HAPLN1: variants seen among roughly 807,000 people sequenced by gnomAD.
The protein encoded by HAPLN1 is Cartilage link protein.
HAPLN1 carries 13 observed loss-of-function variants against 36.5 expected under a neutral mutation model. The observed-to-expected ratio is 0.36, with a 90% CI of 0.23 to 0.57. The LOEUF is 0.57. Ranked by LOEUF, HAPLN1 falls within the 20% of genes least tolerant of loss-of-function variation. HAPLN1 has a pLI of 0.83. For missense variants in HAPLN1, 407 were observed against 439.7 expected (o/e 0.93, Z 0.66); for synonymous variants, 202 against 169.8 (o/e 1.19, Z -1.48).
chr5:83,654,299 T>C (rs1750154902), intron 2 of HAPLN1, among the ~76,000 whole-genome samples: 1 of 152,212 alleles, frequency 6.6e-6, no homozygotes, highest in African/African-American at 2.4e-5. Context: ...GCGAGGATAA[T>C]GGCTTCATTT....
intron 1 of HAPLN1, chr5:83,686,066 C>G (rs1451329357): frequency 6.9e-6 from 1 of 144,412 alleles, no homozygotes; most frequent in African/African-American, 2.6e-5. Context: ...TCTACCCTGG[C>G]ACACTGGAGA....
intron 4 of HAPLN1, among the ~76,000 whole-genome samples, chr5:83,643,806 G>A (rs1048815357): frequency 6.6e-6 from 1 of 152,192 alleles, no homozygotes; most frequent in Non-Finnish European, 1.5e-5. Flanking sequence ...TCTGAAGACA[G>A]CAAGAGAAGG....
intron 1 of HAPLN1, among the ~76,000 whole-genome samples, chr5:83,691,091 A>G (rs767386553): frequency 7.2e-5 from 11 of 152,214 alleles, no homozygotes; most frequent in Admixed American, 6.5e-5. Context: ...GTAACTTCTG[A>G]TTATTAGAAA....
chr5:83,649,127 A>G (rs987610067), intron 3 of HAPLN1, among the ~76,000 whole-genome samples: 3 of 151,720 alleles, frequency 2.0e-5, no homozygotes, highest in Non-Finnish European at 4.4e-5. Flanking sequence ...TAAGAAAGCA[A>G]AATAAAATAA....
At chr5:83,658,984 A>C (rs1271008170) in intron 2 of HAPLN1, among the ~76,000 whole-genome samples, 1 of 152,060 alleles carries the variant, frequency 6.6e-6, no homozygotes, top group Non-Finnish European at 1.5e-5. Flanking sequence ...TTTGAATTTG[A>C]AACCTGGAGC....
chr5:83,644,275 A>G (rs1749785697), intron 4 of HAPLN1, 88 bp downstream of exon 4: 3 of 1,041,036 alleles, frequency 2.9e-6, no homozygotes, highest in Non-Finnish European at 3.8e-6. Context: ...TTGTTTTTCT[A>G]AGAAGATAAG....
intron 1 of HAPLN1, among the ~76,000 whole-genome samples, chr5:83,678,402 T>C (rs1324501408): frequency 6.6e-6 from 1 of 152,160 alleles, no homozygotes; most frequent in Non-Finnish European, 1.5e-5. Context: ...GCGAAAAATA[T>C]ATAATCAGAA....
At chr5:83,697,608 A>T (rs1056856131) in intron 1 of HAPLN1, among the ~76,000 whole-genome samples, 1 of 152,132 alleles carries the variant, frequency 6.6e-6, no homozygotes, top group Non-Finnish European at 1.5e-5. Flanking sequence ...AAACTGCCAA[A>T]CTGTATTCCA....
At chr5:83,656,052 G>C (rs1022868008) in intron 2 of HAPLN1, among the ~76,000 whole-genome samples, 1 of 152,124 alleles carries the variant, frequency 6.6e-6, no homozygotes, top group African/African-American at 2.4e-5. Context: ...TTGGGGCTGG[G>C]TGCAGTGGCT....
intron 1 of HAPLN1, among the ~76,000 whole-genome samples, chr5:83,697,659 G>A (rs984453240): frequency 4.3e-4 from 65 of 152,134 alleles, no homozygotes; most frequent in African/African-American, 1.3e-3. Context: ...CATGCATGAG[G>A]GTTCCAATTT....
chr5:83,709,188 C>G (rs1045881883), intron 1 of HAPLN1, among the ~76,000 whole-genome samples: 26 of 152,322 alleles, frequency 1.7e-4, no homozygotes, highest in African/African-American at 6.0e-4. Flanking sequence ...TTTCTCTAAA[C>G]TCACAGAGAT....
At chr5:83,714,307 A>G (rs892563784) in intron 1 of HAPLN1, among the ~76,000 whole-genome samples, 19 of 152,244 alleles carry the variant, frequency 1.2e-4, no homozygotes, top group African/African-American at 4.3e-4. Flanking sequence ...TTGTAAGACC[A>G]GAACAATAGC....
intron 3 of HAPLN1, among the ~76,000 whole-genome samples, chr5:83,647,518 T>C (rs2112558918): frequency 6.6e-6 from 1 of 152,328 alleles, no homozygotes; most frequent in Non-Finnish European, 1.5e-5. Context: ...GTTAGTATTT[T>C]ATTTGTTTAC....
intron 2 of HAPLN1, 110 bp downstream of exon 2, chr5:83,673,314 A>G: frequency 2.8e-6 from 2 of 714,552 alleles, no homozygotes; most frequent in African/African-American, 1.8e-5. Flanking sequence ...AGAAAGGGAA[A>G]GAAAAAGTCA....
chr5:83,685,132 A>G (rs1751089573), intron 1 of HAPLN1, among the ~76,000 whole-genome samples: 1 of 152,238 alleles, frequency 6.6e-6, no homozygotes, highest in African/African-American at 2.4e-5. Context: ...TTATATCAAA[A>G]GATTGTCAAG....
At chr5:83,682,901 C>T (rs142012685) in intron 1 of HAPLN1, among the ~76,000 whole-genome samples, 1 of 152,024 alleles carries the variant, frequency 6.6e-6, no homozygotes, top group Admixed American at 6.6e-5. Flanking sequence ...TTTACAACTT[C>T]TTTGGCTCAG....
chr5:83,695,234 T>C (rs1170789090), intron 1 of HAPLN1, among the ~76,000 whole-genome samples: 1 of 152,182 alleles, frequency 6.6e-6, no homozygotes, highest in Non-Finnish European at 1.5e-5. Context: ...CAAACAATTC[T>C]CCTGCCTCAG....
rs545630972 is a variant in HAPLN1, at chr5:83,703,121, A to T, written c.-27+17668T>A. ...AATCTGTGACTTGTTGGACAGCCAC[A>T]GACATTATTGCTAAAATATTTTTTC... On this transcript the variant is annotated intron_variant, in intron 1 of 4. Coordinates refer to ENST00000274341, the MANE Select transcript of HAPLN1 (RefSeq NM_001884.4). Among the ~76,000 whole-genome samples the T allele has an allele frequency of 2.0e-5, 3 of 152,326 alleles. No homozygotes were observed. The South Asian group carries it at 6.2e-4, about 32-fold the overall frequency.
chr5:83,678,409 A>T (rs1750914073), intron 1 of HAPLN1, among the ~76,000 whole-genome samples: 1 of 152,226 alleles, frequency 6.6e-6, no homozygotes, highest in Non-Finnish European at 1.5e-5. Flanking sequence ...ATATATAATC[A>T]GAAAGATTCT....
Sources: gnomAD v4.1 joint callset for allele counts (sites outside exome capture counted in the v4.1 genomes callset) on GRCh38, gnomAD v4.1.1 for gene constraint, MANE v1.5 for transcripts, NCBI Gene and HGNC (gene_info 2026-07-23, HGNC 2026-07-21) for gene names.